The following CALN1 variants were observed in gnomAD, a reference collection of about 807,000 sequenced individuals.
CALN1 encodes calneuron 1, also known as calcium-binding protein 8.
CALN1 carries 17 observed loss-of-function variants against 30.6 expected under a neutral mutation model. That is an observed-to-expected ratio of 0.56 (90% CI 0.38 to 0.83). The LOEUF is 0.83. CALN1 is among the 40% of genes least tolerant of loss of function. CALN1 has a pLI of 0.00. For synonymous variants in CALN1, 156 were observed against 131.4 expected, an observed-to-expected ratio of 1.19 and a Z score of -1.28; for missense variants, 291 against 354.9, an observed-to-expected ratio of 0.82 and a Z score of 1.45.
At chr7:72,357,383 C>A (rs1036619266) in intron 2 of CALN1, among the ~76,000 whole-genome samples, 6 of 151,872 alleles carry the variant, frequency 4.0e-5, no homozygotes, top group Admixed American at 2.0e-4. Context: ...CCAGGTACTG[C>A]CAATGTTAAT....
chr7:71,805,347 C>T (rs1302463660), intron 6 of CALN1, among the ~76,000 whole-genome samples: 5 of 152,230 alleles, frequency 3.3e-5, no homozygotes, highest in Non-Finnish European at 1.5e-5. Context: ...TGAGTGGGGG[C>T]TCTGGGGCTG....
intron 5 of CALN1, among the ~76,000 whole-genome samples, chr7:71,821,488 C>T (rs1258213423): frequency 6.6e-6 from 1 of 151,972 alleles, no homozygotes; most frequent in Admixed American, 6.6e-5. Flanking sequence ...GAGGGAAACC[C>T]CTTATAAAAC....
At chr7:72,011,149 C>CA (rs112970749) in intron 5 of CALN1, among the ~76,000 whole-genome samples, 243 of 112,212 alleles carry the variant, frequency 2.2e-3, no homozygotes, top group East Asian at 0.011. Context: ...GAGATTCCGT[C>CA]AAAAAAAAAA....
chr7:72,154,835 T>C (rs1787538544), intron 3 of CALN1, among the ~76,000 whole-genome samples: 4 of 152,018 alleles, frequency 2.6e-5, no homozygotes, highest in Admixed American at 2.6e-4. Flanking sequence ...TACTTGAGCC[T>C]AGGAGTTGGA....
chr7:71,844,974 C>T (rs1317317374), intron 5 of CALN1, among the ~76,000 whole-genome samples: 1 of 152,134 alleles, frequency 6.6e-6, no homozygotes, highest in Non-Finnish European at 1.5e-5. Flanking sequence ...ACTGCAACCT[C>T]TGCCACCCGG....
At chr7:72,269,095 G>A (rs1290866787) in intron 3 of CALN1, among the ~76,000 whole-genome samples, 1 of 152,082 alleles carries the variant, frequency 6.6e-6, no homozygotes, top group Non-Finnish European at 1.5e-5. Context: ...GAATCTGCAG[G>A]GTAGGACAGG....
At position 72,220,909 on chromosome 7, in the gene CALN1, ATTTG is replaced by A. The variant is rs537661827; in HGVS notation, c.244+57773_244+57776del. ...GGGGTTGTTTGTTTTTTTCTTGTAA[ATTTG>A]TTTGAGTTCATTGTAGATTCTGGGT... On this transcript the variant is annotated intron_variant, in intron 3 of 6. Transcript: ENST00000395275. Among the ~76,000 whole-genome samples the A allele has an allele frequency of 4.6e-3, 704 of 151,992 alleles. 4 individuals are homozygous for A. Among genetic ancestry groups the A allele is most frequent in the African/African-American group, 0.016 (677 of 41,430 alleles).
At chr7:72,241,753 T>C (rs1043616031) in intron 3 of CALN1, among the ~76,000 whole-genome samples, 31 of 151,938 alleles carry the variant, frequency 2.0e-4, no homozygotes, top group African/African-American at 7.5e-4. Flanking sequence ...AACACACTCA[T>C]GTCTAAAACA....
At chr7:72,032,751 A>G (rs1801543799) in intron 4 of CALN1, among the ~76,000 whole-genome samples, 1 of 152,156 alleles carries the variant, frequency 6.6e-6, no homozygotes, top group Non-Finnish European at 1.5e-5. Flanking sequence ...GATCTTAGTA[A>G]TTCTCTATGG....
the CALN1 span, among the ~76,000 whole-genome samples, chr7:72,503,350 A>G: frequency 6.6e-6 from 1 of 151,130 alleles, no homozygotes; most frequent in Non-Finnish European, 1.5e-5. Context: ...CCCTTCAGAG[A>G]GGACTCCTTC....
intron 5 of CALN1, among the ~76,000 whole-genome samples, chr7:71,976,499 C>A (rs545729145): frequency 6.6e-6 from 1 of 152,186 alleles, no homozygotes; most frequent in East Asian, 1.9e-4. Context: ...TGCACGGAAC[C>A]CTAGCCTAGG....
intron 5 of CALN1, among the ~76,000 whole-genome samples, chr7:71,964,486 A>C (rs1797432700): frequency 6.6e-6 from 1 of 152,134 alleles, no homozygotes; most frequent in African/African-American, 2.4e-5. Context: ...TGTACTGGAA[A>C]ACTTGGATCA....
At chr7:72,003,775 GTAA>G (rs1799639337) in intron 5 of CALN1, among the ~76,000 whole-genome samples, 1 of 152,098 alleles carries the variant, frequency 6.6e-6, no homozygotes, top group Non-Finnish European at 1.5e-5. Flanking sequence ...ACATTACAAT[GTAA>G]TAATAATAGA....
the CALN1 span, among the ~76,000 whole-genome samples, chr7:72,501,585 A>T: frequency 6.6e-6 from 1 of 150,628 alleles, no homozygotes. Context: ...ACATTCTAAG[A>T]ACCATGGCTA....
chr7:72,015,930 T>C (rs1423663584), intron 5 of CALN1, among the ~76,000 whole-genome samples: 2 of 152,036 alleles, frequency 1.3e-5, no homozygotes, highest in Admixed American at 1.3e-4. Flanking sequence ...TGCTGAAAAC[T>C]ATTAAGGTTC....
At chr7:71,891,989 T>C (rs988330957) in intron 5 of CALN1, among the ~76,000 whole-genome samples, 1 of 152,096 alleles carries the variant, frequency 6.6e-6, no homozygotes, top group African/African-American at 2.4e-5. Context: ...TATGTATGTG[T>C]TTGTTAAATT....
At chr7:72,312,156 C>A (rs1475332114) in intron 2 of CALN1, among the ~76,000 whole-genome samples, 1 of 152,142 alleles carries the variant, frequency 6.6e-6, no homozygotes, top group Non-Finnish European at 1.5e-5. Context: ...GTAATCCCAG[C>A]ACTTTGAGAG....
chr7:72,261,344 T>C (rs1274607831), intron 3 of CALN1, among the ~76,000 whole-genome samples: 1 of 151,638 alleles, frequency 6.6e-6, no homozygotes, highest in Non-Finnish European at 1.5e-5. Context: ...ACAAAAAATC[T>C]ATCCGTACAC....
chr7:72,326,094 A>AAC (rs1801257694), intron 2 of CALN1, among the ~76,000 whole-genome samples: 4 of 152,100 alleles, frequency 2.6e-5, no homozygotes, highest in African/African-American at 9.7e-5. Context: ...GTAGAGACGC[A>AAC]GTTTCACCAT....
Sources: allele counts gnomAD v4.1 joint callset (sites outside exome capture counted in the v4.1 genomes callset), GRCh38; gene constraint gnomAD v4.1.1; transcripts MANE v1.5; gene names NCBI Gene and HGNC (gene_info 2026-07-23, HGNC 2026-07-21).